The following CDYL2 variants were observed in gnomAD, a reference collection of about 807,000 sequenced individuals.
CDYL2 encodes the protein chromodomain Y-like protein 2.
In CDYL2, 23 loss-of-function variants were observed where a neutral mutation model predicts 49.4. That is an observed-to-expected ratio of 0.47 (90% CI 0.34 to 0.66). The LOEUF is 0.66. CDYL2 is among the 30% of genes least tolerant of loss of function. The pLI, the probability that CDYL2 is intolerant of heterozygous loss-of-function variation, is 0.01. For missense variants in CDYL2, 678 were observed against 656.4 expected, an observed-to-expected ratio of 1.03 and a Z score of -0.36; for synonymous variants, 360 against 268.8, an observed-to-expected ratio of 1.34 and a Z score of -3.32.
Position 80,603,405 on chromosome 16 carries a change from C to G in CDYL2, c.*983G>C, listed in dbSNP as rs1388522478. On this transcript the variant is annotated 3_prime_UTR_variant, in exon 7 of 7. Transcript: ENST00000570137. ...TAAAGACAGCAGAGGGAAGAAAAAA[C>G]TCTCCCAAGATGTCTCCTAAGGACA... The G allele has an allele frequency of 6.6e-6, 1 of 152,182 alleles. No individual in the cohort carries two copies. Among genetic ancestry groups the G allele is most frequent in the Non-Finnish European group, 1.5e-5 (1 of 68,032 alleles). 9.4% of individuals were successfully genotyped at this position (152,182 alleles called of 1,614,324 possible).
At chr16:80,791,389 T>C (rs1027993450) in intron 1 of CDYL2, among the ~76,000 whole-genome samples, 2 of 152,238 alleles carry the variant, frequency 1.3e-5, no homozygotes, top group African/African-American at 4.8e-5. Flanking sequence ...TCTTGCACTG[T>C]GCTAGGTGCT....
At chr16:80,726,903 T>A (rs1171049060) in intron 1 of CDYL2, among the ~76,000 whole-genome samples, 1 of 152,066 alleles carries the variant, frequency 6.6e-6, no homozygotes, top group Non-Finnish European at 1.5e-5. Context: ...CCTGGGCACA[T>A]AATGAGATGC....
Position 80,604,266 on chromosome 16 carries a change from T to G in CDYL2, c.*122A>C, listed in dbSNP as rs1007845118. 1.8e-6 allele frequency: 2 copies of G among 1,095,192 alleles called. No homozygotes were observed. Among genetic ancestry groups the G allele is most frequent in the African/African-American group, 1.6e-5 (1 of 63,640 alleles). The allele number at this position is 1,095,192 out of a possible 1,614,324, so 67.8% of individuals were successfully genotyped here. A position where few individuals can be genotyped will look rare whatever the true frequency, so the allele number is the denominator to read the frequency against. On this transcript the variant is annotated 3_prime_UTR_variant, in exon 7 of 7. Coordinates refer to ENST00000570137, the MANE Select transcript of CDYL2 (RefSeq NM_152342.4). Reference sequence around the variant, plus strand: ...GGAGCAACCAAAGGACACGAGGAAATGGACACAACCCTACGTATAAAGAGA... The same window carrying G: ...GGAGCAACCAAAGGACACGAGGAAAGGGACACAACCCTACGTATAAAGAGA...
At chr16:80,717,538 T>C (rs1904852266) in intron 1 of CDYL2, among the ~76,000 whole-genome samples, 2 of 152,076 alleles carry the variant, frequency 1.3e-5, no homozygotes, top group Non-Finnish European at 2.9e-5. Context: ...TTCACTAGGG[T>C]GAAGACTGCT....
In CDYL2 at chr16:80,740,173, T is replaced by C. The variant is rs556941804; in HGVS notation, c.25-55044A>G. ...GTCAGTTCAGTGTTCCTTGCTAACC[T>C]TGCTCTGTGGAATGAGCACGTCCAG... On this transcript the variant is annotated intron_variant, in intron 1 of 6. Transcript: ENST00000570137. Among the ~76,000 whole-genome samples, 9 of 152,284 alleles carry C rather than the reference T, an allele frequency of 5.9e-5. No homozygotes were observed. In the South Asian group the frequency reaches 1.9e-3, roughly 32 times the overall value.
At chr16:80,681,766 C>A (rs969727706) in intron 2 of CDYL2, among the ~76,000 whole-genome samples, 2 of 152,186 alleles carry the variant, frequency 1.3e-5, no homozygotes, top group Non-Finnish European at 1.5e-5. Flanking sequence ...CAGCCTCGGG[C>A]GCCTTCTCAG....
At chr16:80,708,708 A>G (rs570428193) in intron 1 of CDYL2, among the ~76,000 whole-genome samples, 125 of 152,208 alleles carry the variant, frequency 8.2e-4, no homozygotes, top group Non-Finnish European at 1.5e-3. Flanking sequence ...TGGTAGTCAA[A>G]TTTCCTTTTA....
intron 5 of CDYL2, among the ~76,000 whole-genome samples, chr16:80,609,782 CAGAAGCCTAAGGATT>C (rs755296482): frequency 7.8e-4 from 119 of 152,288 alleles, no homozygotes; most frequent in South Asian, 4.3e-3. Flanking sequence ...GGGTATTATC[CAGAAGCCTAAGGATT>C]CAGAGAGAAA....
chr16:80,788,027 T>A (rs1907492336), intron 1 of CDYL2, among the ~76,000 whole-genome samples: 1 of 152,066 alleles, frequency 6.6e-6, no homozygotes, highest in Non-Finnish European at 1.5e-5. Context: ...AGGAAAAGTT[T>A]CAGAAACATT....
chr16:80,607,367 G>T (rs1906384670), intron 6 of CDYL2, among the ~76,000 whole-genome samples: 2 of 152,158 alleles, frequency 1.3e-5, no homozygotes, highest in Admixed American at 1.3e-4. Context: ...AGACAAGGAA[G>T]GGAGGGGCAA....
intron 1 of CDYL2, among the ~76,000 whole-genome samples, chr16:80,737,104 C>A (rs1597107725): frequency 1.3e-5 from 2 of 152,252 alleles, no homozygotes; most frequent in South Asian, 4.2e-4. Context: ...TCAGGACAGC[C>A]TGTAGGAAAA....
In CDYL2 at chr16:80,724,486, G is replaced by C. The variant is rs931898988; in HGVS notation, c.25-39357C>G. ...GCTCTTCTACTCCCTGCAGCATGAA[G>C]ATCCTGACTCCTTGTCATAGTTCAT... On this transcript the variant is annotated intron_variant, in intron 1 of 6. Transcript: ENST00000570137. Among the ~76,000 whole-genome samples, 4 of 152,204 alleles carry C rather than the reference G, an allele frequency of 2.6e-5. No homozygotes were observed. The East Asian group carries it at 7.7e-4, about 29-fold the overall frequency.
At chr16:80,697,606 C>T (rs951875766) in intron 1 of CDYL2, among the ~76,000 whole-genome samples, 1 of 152,032 alleles carries the variant, frequency 6.6e-6, no homozygotes, top group African/African-American at 2.4e-5. Flanking sequence ...AAGGGGCATG[C>T]AAACTGGAAA....
Position 80,672,352 on chromosome 16 carries a change from C to CACACACACAGAG in CDYL2, c.616+12185_616+12186insCTCTGTGTGTGT, listed in dbSNP as rs68130206. Among the ~76,000 whole-genome samples, 1,141 of 117,762 alleles carry CACACACACAGAG rather than the reference C, an allele frequency of 9.7e-3. 5 individuals are homozygous for CACACACACAGAG. The highest frequency in any genetic ancestry group is 0.016 in the East Asian group (53 of 3,322). 77.3% of individuals were successfully genotyped at this position (117,762 alleles called of 152,430 possible). ...ACACACACACACACACACACACACA[C>CACACACACAGAG]AGAGAGAGAGAGAGAGATGAGTAGA... On this transcript the variant is annotated intron_variant, in intron 2 of 6. Coordinates refer to ENST00000570137, the MANE Select transcript of CDYL2 (RefSeq NM_152342.4).
At chr16:80,633,904 G>T (rs891359217) in intron 2 of CDYL2, among the ~76,000 whole-genome samples, 3 of 152,160 alleles carry the variant, frequency 2.0e-5, no homozygotes, top group Non-Finnish European at 4.4e-5. Flanking sequence ...ACTAAAAACA[G>T]AATGATCCAG....
intron 2 of CDYL2, among the ~76,000 whole-genome samples, chr16:80,649,748 G>T (rs1360450821): frequency 2.0e-5 from 3 of 152,122 alleles, no homozygotes; most frequent in Non-Finnish European, 4.4e-5. Context: ...AAACAGCACG[G>T]TACTGGCATA....
intron 3 of CDYL2, among the ~76,000 whole-genome samples, chr16:80,629,361 T>C (rs760070913): frequency 6.6e-6 from 1 of 152,118 alleles, no homozygotes; most frequent in Non-Finnish European, 1.5e-5. Context: ...GAAGTAAACA[T>C]ATGAAAGAGC....
At chr16:80,655,812 G>C (rs1908784490) in intron 2 of CDYL2, among the ~76,000 whole-genome samples, 2 of 152,306 alleles carry the variant, frequency 1.3e-5, no homozygotes, top group Admixed American at 6.5e-5. Flanking sequence ...CAGGGGAATG[G>C]TGCCTCCAGA....
intron 1 of CDYL2, among the ~76,000 whole-genome samples, chr16:80,733,179 G>A (rs1341132646): frequency 6.6e-6 from 1 of 152,174 alleles, no homozygotes; most frequent in Non-Finnish European, 1.5e-5. Context: ...ATAGAGTTAG[G>A]AGGAGACAAA....
Sources: gnomAD v4.1 joint callset for allele counts (sites outside exome capture counted in the v4.1 genomes callset) on GRCh38, gnomAD v4.1.1 for gene constraint, MANE v1.5 for transcripts, NCBI Gene and HGNC (gene_info 2026-07-23, HGNC 2026-07-21) for gene names.